Variants in NFS1 observed in about 807,000 individuals in gnomAD.
NFS1 encodes the protein cysteine desulfurase.
In NFS1, 26 loss-of-function variants were observed where a neutral mutation model predicts 57.3. That is an observed-to-expected ratio of 0.45 (90% CI 0.33 to 0.63). NFS1 has a LOEUF of 0.63. Among genes scored for constraint, NFS1 ranks in the 20% least tolerant of loss-of-function variants. The pLI is 0.02. For missense variants in NFS1, 505 were observed against 605.8 expected (o/e 0.83, Z 1.75); for synonymous variants, 209 against 216.3 (o/e 0.97, Z 0.30).
chr20:35,673,067 C>T (rs560584675), intron 11 of NFS1, among the ~76,000 whole-genome samples: 1 of 152,132 alleles, frequency 6.6e-6, no homozygotes, highest in African/African-American at 2.4e-5. Flanking sequence ...GTGGACAGAT[C>T]ACATGAGGTT....
At chr20:35,675,459 C>T (rs2034724385) in intron 7 of NFS1, 1 of 529,538 alleles carries the variant, frequency 1.9e-6, no homozygotes, top group Non-Finnish European at 3.4e-6. Flanking sequence ...ATATGAAATG[C>T]CATCATACAT....
chr20:35,674,959 A>C, intron 8 of NFS1, 86 bp downstream of exon 8: 2 of 1,559,200 alleles, frequency 1.3e-6, no homozygotes, highest in Non-Finnish European at 1.8e-6. Flanking sequence ...CCCTGCAGAG[A>C]TCTGCCTCAG....
chr20:35,670,300 A>G (rs986401707), intron 12 of NFS1, among the ~76,000 whole-genome samples: 3 of 152,198 alleles, frequency 2.0e-5, no homozygotes, highest in Non-Finnish European at 2.9e-5. Flanking sequence ...CTTGGATCTT[A>G]GACCTGAGCA....
At chr20:35,691,445 G>GA (rs934725673) in intron 4 of NFS1, among the ~76,000 whole-genome samples, 70 of 137,000 alleles carry the variant, frequency 5.1e-4, no homozygotes, top group East Asian at 7.2e-4. Context: ...TCTCATTGAA[G>GA]AAAAAAAAAA....
chr20:35,678,708 A>G (rs540757775), intron 7 of NFS1, among the ~76,000 whole-genome samples: 59 of 151,970 alleles, frequency 3.9e-4, no homozygotes, highest in African/African-American at 1.4e-3. Flanking sequence ...GTCTCAAAAA[A>G]AAAAATTAGG....
At position 35,681,897 on chromosome 20, in the gene NFS1, C is replaced by T. The variant is rs1486780672; in HGVS notation, c.646G>A (p.Ala216Thr). 1.2e-6 allele frequency: 2 copies of T among 1,602,678 alleles called. No homozygotes were observed. Among genetic ancestry groups the T allele is most frequent in the African/African-American group, 1.3e-5 (1 of 74,828 alleles). Residue 216 changes from alanine (A) to threonine (T), a missense_variant, in exon 6 of 13, where the codon GCA becomes ACA. Transcript: ENST00000374092. ...AAGCCATGATACTCACCTATTTCTG[C>T]AATAGGCTGCTTCACTCCAATCTCA... ...NNEIGVKQPI[A>T]EIGRICSSRK...
chr20:35,674,849 T>C, intron 8 of NFS1, 196 bp downstream of exon 8: 1 of 730,704 alleles, frequency 1.4e-6, no homozygotes, highest in Non-Finnish European at 2.2e-6. Flanking sequence ...AATGAGCTGA[T>C]AACTACTAAA....
At chr20:35,693,527 C>T (rs1052716048) in intron 4 of NFS1, among the ~76,000 whole-genome samples, 1 of 152,046 alleles carries the variant, frequency 6.6e-6, no homozygotes, top group East Asian at 1.9e-4. Context: ...AGACTATTAC[C>T]TTTAACAGCA....
intron 4 of NFS1, among the ~76,000 whole-genome samples, chr20:35,691,506 C>T (rs1462299435): frequency 1.3e-5 from 2 of 150,630 alleles, no homozygotes; most frequent in Admixed American, 6.6e-5. Flanking sequence ...TTTGGGAGGC[C>T]GAGGCAGGTG....
chr20:35,674,888 C>A, intron 8 of NFS1, 157 bp downstream of exon 8: 1 of 967,058 alleles, frequency 1.0e-6, no homozygotes. Flanking sequence ...CCCATAATGT[C>A]TCCCTCAGAA....
intron 2 of NFS1, 74 bp from the exon 3 acceptor site, chr20:35,697,874 G>GC: frequency 1.1e-6 from 1 of 949,814 alleles, no homozygotes; most frequent in East Asian, 2.5e-5. Context: ...CTCAGACCTG[G>GC]CCACCCTGCC....
At chr20:35,695,604 C>T (rs554519898) in intron 4 of NFS1, among the ~76,000 whole-genome samples, 1 of 152,196 alleles carries the variant, frequency 6.6e-6, no homozygotes, top group South Asian at 2.1e-4. Flanking sequence ...GCAGAGGGCA[C>T]CACAAAGACA....
At chr20:35,683,767 G>A (rs1216940268) in intron 5 of NFS1, among the ~76,000 whole-genome samples, 1 of 143,572 alleles carries the variant, frequency 7.0e-6, no homozygotes, top group Non-Finnish European at 1.5e-5. Flanking sequence ...CTCCAGCCTG[G>A]GCAACAGAGT....
chr20:35,678,845 T>C (rs2034801317), intron 7 of NFS1, among the ~76,000 whole-genome samples: 1 of 152,090 alleles, frequency 6.6e-6, no homozygotes, highest in Non-Finnish European at 1.5e-5. Context: ...AGCAACAGAG[T>C]GAGACCTTGT....
intron 4 of NFS1, among the ~76,000 whole-genome samples, chr20:35,690,868 C>T (rs1308537433): frequency 1.3e-5 from 2 of 152,114 alleles, no homozygotes; most frequent in African/African-American, 2.4e-5. Context: ...TCCCGAAGCC[C>T]GGTCAAGTTC....
chr20:35,680,895 C>A, intron 6 of NFS1, 24 bp from the exon 7 acceptor site: 1 of 1,466,894 alleles, frequency 6.8e-7, no homozygotes, highest in East Asian at 2.6e-5. Context: ...GGGGAAGACC[C>A]ACAGCACAAT....
At chr20:35,685,165 C>T (rs1000792453) in intron 5 of NFS1, among the ~76,000 whole-genome samples, 2 of 151,164 alleles carry the variant, frequency 1.3e-5, no homozygotes, top group African/African-American at 4.9e-5. Flanking sequence ...GGATTATAGG[C>T]ATGAGCCACA....
chr20:35,692,688 G>C (rs1372822132), intron 4 of NFS1, among the ~76,000 whole-genome samples: 1 of 150,714 alleles, frequency 6.6e-6, no homozygotes, highest in Non-Finnish European at 1.5e-5. Flanking sequence ...TCAAGACTCT[G>C]TCTCAAAAAA....
At position 35,672,754 on chromosome 20, in the gene NFS1, C is replaced by T; in HGVS notation, c.1310+1G>A. The T allele has an allele frequency of 6.3e-7, 1 of 1,593,820 alleles. No homozygotes were observed. Among genetic ancestry groups the T allele is most frequent in the Middle Eastern group, 1.7e-4 (1 of 6,012 alleles). Reference sequence around the variant, plus strand: ...AAGCGTCTCTGATACAATATGTATACCTCATTTCTCGAAGACGCTTCACAT... The same window carrying T: ...AAGCGTCTCTGATACAATATGTATATCTCATTTCTCGAAGACGCTTCACAT... On this transcript the variant is annotated splice_donor_variant, in intron 12 of 12. Transcript: ENST00000374092. LOFTEE classifies it high-confidence loss of function.
Sources: allele counts gnomAD v4.1 joint callset (sites outside exome capture counted in the v4.1 genomes callset), GRCh38; gene constraint gnomAD v4.1.1; transcripts MANE v1.5; gene names NCBI Gene and HGNC (gene_info 2026-07-23, HGNC 2026-07-21).